The following CNTRL variants were observed in gnomAD, a reference collection of about 807,000 sequenced individuals.
CNTRL encodes the protein centriolin, also known as 110 kDa centrosomal protein.
In CNTRL, 233 loss-of-function variants were observed where a neutral mutation model predicts 303.7. The ratio of observed to expected loss-of-function variants is 0.77; its 90% CI spans 0.69 to 0.86. CNTRL has a LOEUF of 0.86. CNTRL is among the 40% of genes least tolerant of loss of function. The pLI is 0.00. For missense variants in CNTRL, 2,524 were observed against 2,650.6 expected, an observed-to-expected ratio of 0.95 and a Z score of 1.05; for synonymous variants, 900 against 922.2, an observed-to-expected ratio of 0.98 and a Z score of 0.44.
At chr9:121,143,404 T>C (rs2051637681) in intron 19 of CNTRL, among the ~76,000 whole-genome samples, 1 of 152,202 alleles carries the variant, frequency 6.6e-6, no homozygotes, top group African/African-American at 2.4e-5. Flanking sequence ...GCAGCCAAGA[T>C]GCTCTTTCTG....
intron 8 of CNTRL, chr9:121,111,205 C>T (rs1231177812): frequency 6.6e-6 from 1 of 152,110 alleles, no homozygotes; most frequent in Non-Finnish European, 1.5e-5. Flanking sequence ...GAAGAATAGG[C>T]AGTATTGGAT....
At chr9:121,177,032 C>G in intron 43 of CNTRL, 131 bp from the exon 44 acceptor site, 1 of 702,582 alleles carries the variant, frequency 1.4e-6, no homozygotes, top group East Asian at 2.8e-5. Flanking sequence ...TACACTGGTT[C>G]ATCTTAAAAC....
chr9:121,152,397 A>T, intron 25 of CNTRL, 88 bp from the exon 26 acceptor site: 1 of 1,096,224 alleles, frequency 9.1e-7, no homozygotes, highest in Non-Finnish European at 1.4e-6. Flanking sequence ...ATACCACTTT[A>T]ACCACAGTTA....
In CNTRL at chr9:121,160,314, G is replaced by A. The variant is rs201150194; in HGVS notation, c.5089+12G>A. The A allele has an allele frequency of 9.4e-5, 137 of 1,461,736 alleles. No homozygotes were observed. In the East Asian group the frequency reaches 3.5e-3, roughly 38 times the overall value. 90.5% of individuals were successfully genotyped at this position (1,461,736 alleles called of 1,614,324 possible). A position where few individuals can be genotyped will look rare whatever the true frequency, so the allele number is the denominator to read the frequency against. ...TAAACATAAAACCGGTAAGTTTAAA[G>A]GAAAACAATCATACAAAGTTTGAGG... On this transcript the variant is annotated intron_variant, in intron 32 of 43. Transcript: ENST00000373855.
chr9:121,137,509 TA>T (rs2051263256), intron 15 of CNTRL, among the ~76,000 whole-genome samples: 1 of 152,214 alleles, frequency 6.6e-6, no homozygotes, highest in Non-Finnish European at 1.5e-5. Context: ...GGAATGCATG[TA>T]AAAATAATTC....
chr9:121,127,329 T>C (rs1427912625), intron 14 of CNTRL, among the ~76,000 whole-genome samples: 1 of 152,180 alleles, frequency 6.6e-6, no homozygotes, highest in Non-Finnish European at 1.5e-5. Context: ...ACATGGGGAC[T>C]ATGCTCAGAA....
intron 26 of CNTRL, among the ~76,000 whole-genome samples, chr9:121,153,919 A>G (rs181706648): frequency 6.6e-6 from 1 of 152,204 alleles, no homozygotes; most frequent in Admixed American, 6.5e-5. Flanking sequence ...AAGGTTAGGC[A>G]GATGGTTATG....
chr9:121,077,253 T>A (rs2131937320), intron 1 of CNTRL, among the ~76,000 whole-genome samples: 1 of 152,184 alleles, frequency 6.6e-6, no homozygotes, highest in Non-Finnish European at 1.5e-5. Flanking sequence ...CTCTTTATCC[T>A]GCTCCTTTAC....
chr9:121,143,878 T>G (rs2051674354), intron 19 of CNTRL, 25 bp from the exon 20 acceptor site: 2 of 1,553,244 alleles, frequency 1.3e-6, no homozygotes, highest in Non-Finnish European at 1.7e-6. Context: ...ATTCATCTGT[T>G]TAATTAATAT....
chr9:121,077,121 G>A (rs1054566405), intron 1 of CNTRL, among the ~76,000 whole-genome samples: 1 of 152,004 alleles, frequency 6.6e-6, no homozygotes, highest in Non-Finnish European at 1.5e-5. Context: ...TGGCAGGATG[G>A]GTAGTGTTTT....
intron 7 of CNTRL, among the ~76,000 whole-genome samples, chr9:121,101,612 A>G (rs1397490985): frequency 6.6e-6 from 1 of 152,226 alleles, no homozygotes; most frequent in Non-Finnish European, 1.5e-5. Context: ...TGAATCCAGG[A>G]GCTGGTTTTT....
At chr9:121,153,043 CTT>C (rs972973906) in intron 26 of CNTRL, among the ~76,000 whole-genome samples, 16 of 152,182 alleles carry the variant, frequency 1.1e-4, no homozygotes, top group African/African-American at 3.6e-4. Flanking sequence ...GTTCTCAACT[CTT>C]TCTTTTCCAT....
intron 14 of CNTRL, among the ~76,000 whole-genome samples, chr9:121,131,390 C>T (rs2050846937): frequency 6.6e-6 from 1 of 152,166 alleles, no homozygotes; most frequent in Admixed American, 6.5e-5. Flanking sequence ...ATGTAATACC[C>T]TTCTTTGTCG....
chr9:121,177,420 CT>C lies in CNTRL; in HGVS notation c.*245del, dbSNP rs958819283. Reference sequence around the variant, plus strand: ...AATTTAAACCAACATGTGGCTGAGCCTTTTTTTTTTTAATCTTCGTAACATG... The same window carrying C: ...AATTTAAACCAACATGTGGCTGAGCCTTTTTTTTTTAATCTTCGTAACATG... On this transcript the variant is annotated 3_prime_UTR_variant, in exon 44 of 44. Coordinates refer to ENST00000373855, the MANE Select transcript of CNTRL (RefSeq NM_007018.6). 39,650 of 307,162 alleles carry C rather than the reference CT, an allele frequency of 0.13. No individual in the cohort carries two copies. Among genetic ancestry groups the C allele is most frequent in the East Asian group, 0.18 (3,346 of 18,200 alleles). The allele number at this position is 307,162 out of a possible 1,614,324, so 19.0% of individuals were successfully genotyped here. A position where few individuals can be genotyped will look rare whatever the true frequency, so the allele number is the denominator to read the frequency against.
intron 23 of CNTRL, among the ~76,000 whole-genome samples, chr9:121,148,108 CAG>C (rs1325703081): frequency 6.6e-6 from 1 of 152,180 alleles, no homozygotes; most frequent in Non-Finnish European, 1.5e-5. Flanking sequence ...AAAATGACTA[CAG>C]AGAGAACAGA....
At chr9:121,143,067 T>G (rs2051612466) in intron 19 of CNTRL, among the ~76,000 whole-genome samples, 1 of 152,308 alleles carries the variant, frequency 6.6e-6, no homozygotes, top group Admixed American at 6.5e-5. Flanking sequence ...GGTGTCATTA[T>G]AAACTCATAG....
At position 121,122,133 on chromosome 9, in the gene CNTRL, G is replaced by A. The variant is rs143872049; in HGVS notation, c.1651-1798G>A. ...ATATTGAACCAGATTTTTATCCTGC[G>A]TATAAAGGTTTTGGTGGAATTTTTA... On this transcript the variant is annotated intron_variant, in intron 12 of 43. Coordinates refer to ENST00000373855, the MANE Select transcript of CNTRL (RefSeq NM_007018.6). 3.6e-3 allele frequency among the ~76,000 whole-genome samples: 555 copies of A among 152,180 alleles called. 3 individuals are homozygous for A. Among genetic ancestry groups the A allele is most frequent in the Middle Eastern group, 3.4e-3 (1 of 294 alleles).
chr9:121,145,251 T>C lies in CNTRL; in HGVS notation c.3176T>C (p.Leu1059Pro), dbSNP rs747602485. ...TGTAATTTTTTTAAATAGTTTCGAC[T>C]TGAGATGGAGAAAACAGGTGTAGGT... Reference protein sequence around the residue: ...LLRQKGEQFRLEMEKTGVGTG... With the variant: ...LLRQKGEQFRPEMEKTGVGTG... The change falls in exon 22 of 44, where the codon CTT becomes CCT. Residue 1059 changes from leucine to proline, a missense_variant. By Grantham distance (98) the Leu-to-Pro change is moderately conservative (BLOSUM62 -3). Transcript: ENST00000373855. 1.2e-6 allele frequency: 2 copies of C among 1,603,016 alleles called. No individual in the cohort carries two copies. The highest frequency in any genetic ancestry group is 2.3e-5 in the South Asian group (2 of 88,264).
intron 39 of CNTRL, among the ~76,000 whole-genome samples, chr9:121,170,618 G>A (rs2053265276): frequency 6.6e-6 from 1 of 151,988 alleles, no homozygotes; most frequent in South Asian, 2.1e-4. Flanking sequence ...ACCATGCCTG[G>A]ATAATTTTTG....
Sources: gnomAD v4.1 joint callset for allele counts (sites outside exome capture counted in the v4.1 genomes callset) on GRCh38, gnomAD v4.1.1 for gene constraint, MANE v1.5 for transcripts, NCBI Gene and HGNC (gene_info 2026-07-23, HGNC 2026-07-21) for gene names.